Variants in LNP1 observed in about 807,000 individuals in gnomAD.
LNP1 encodes leukemia NUP98 fusion partner 1.
Under a neutral mutation model 14.5 loss-of-function variants are expected in LNP1, and 12 were observed. That is an observed-to-expected ratio of 0.83 (90% confidence interval 0.53 to 1.34). The LOEUF (loss-of-function observed/expected upper bound fraction) is 1.34. Among genes scored for constraint, LNP1 ranks in the 40% most tolerant of loss-of-function variants. The probability of loss-of-function intolerance (pLI) is 0.00; values close to 1 mark genes in which losing one functional copy is unlikely to be tolerated. For synonymous variants in LNP1, 75 were observed against 71.4 expected (o/e 1.05, Z -0.26); for missense variants, 198 against 210.9 (o/e 0.94, Z 0.38).
rs565769310 is a variant in LNP1, at chr3:100,418,059, A to ACTTTTTTT, written c.-33-11638_-33-11637insCTTTTTTT. 4.3e-5 allele frequency among the ~76,000 whole-genome samples: 5 copies of ACTTTTTTT among 115,616 alleles called. 2 individuals carry two copies. Among genetic ancestry groups the ACTTTTTTT allele is most frequent in the African/African-American group, 9.7e-5 (3 of 30,808 alleles). 75.8% of individuals were successfully genotyped at this position (115,616 alleles called of 152,430 possible). On this transcript the variant is annotated intron_variant, in intron 1 of 3. Transcript: ENST00000383693. ...GTTTTGTTCTTTCATTTCTCATACCATTTTTTTTTTTTTTTTTTGAGATGG... is the reference window on the plus strand; with the variant it reads ...GTTTTGTTCTTTCATTTCTCATACCACTTTTTTTTTTTTTTTTTTTTTTTTTGAGATGG...
chr3:100,415,060 T>G (rs1559840353), intron 1 of LNP1, among the ~76,000 whole-genome samples: 1 of 152,186 alleles, frequency 6.6e-6, no homozygotes, highest in Non-Finnish European at 1.5e-5. Flanking sequence ...AAACTAAAAC[T>G]TTAAACTTTT....
At chr3:100,430,015 C>A in intron 2 of LNP1, 130 bp downstream of exon 2, 1 of 863,784 alleles carries the variant, frequency 1.2e-6, no homozygotes, top group Non-Finnish European at 1.8e-6. Flanking sequence ...GAGTCTTTCT[C>A]ATACCCACAG....
At chr3:100,420,961 G>A (rs1707138622) in intron 1 of LNP1, among the ~76,000 whole-genome samples, 1 of 151,730 alleles carries the variant, frequency 6.6e-6, no homozygotes, top group African/African-American at 2.4e-5. Context: ...TCCATTTTGA[G>A]TTCATTTTTG....
At chr3:100,416,940 C>A (rs1707090377) in intron 1 of LNP1, among the ~76,000 whole-genome samples, 1 of 151,966 alleles carries the variant, frequency 6.6e-6, no homozygotes, top group Non-Finnish European at 1.5e-5. Flanking sequence ...TTCATCTTGA[C>A]CTGTCCCATT....
chr3:100,446,995 TTGG>T (rs61241628), intron 2 of LNP1, among the ~76,000 whole-genome samples: 5,794 of 152,230 alleles, frequency 0.038, 352 homozygotes, highest in African/African-American at 0.13. Context: ...TTTTACACTG[TTGG>T]TGGGAGTGTA....
Position 100,429,819 on chromosome 3 carries a change from G to T in LNP1, c.90G>T (p.Gln30His). ...FWGHSWREED[Q>H]RGLRERHRLQ... ...GCCACAGCTGGAGAGAGGAGGATCA[G>T]AGAGGACTCCGGGAACGCCACCGAC... Residue 30 changes from glutamine to histidine, a missense_variant, in exon 2 of 4, where the codon CAG (glutamine) becomes CAT (histidine). Transcript: ENST00000383693. 6.2e-7 allele frequency: 1 copy of T among 1,613,978 alleles called. No homozygotes were observed. Among genetic ancestry groups the T allele is most frequent in the South Asian group, 1.1e-5 (1 of 91,074 alleles).
intron 2 of LNP1, among the ~76,000 whole-genome samples, chr3:100,433,839 G>GT (rs1248273313): frequency 1.3e-5 from 2 of 152,028 alleles, no homozygotes; most frequent in Non-Finnish European, 2.9e-5. Context: ...TTTTTCATAT[G>GT]TTTTTTTGGC....
At chr3:100,427,689 T>G (rs1707206904) in intron 1 of LNP1, among the ~76,000 whole-genome samples, 1 of 152,172 alleles carries the variant, frequency 6.6e-6, no homozygotes, top group African/African-American at 2.4e-5. Context: ...TAAGATTTAT[T>G]ATGTTGAAAG....
At chr3:100,443,177 GA>G (rs1234370017) in intron 2 of LNP1, among the ~76,000 whole-genome samples, 1 of 151,898 alleles carries the variant, frequency 6.6e-6, no homozygotes, top group African/African-American at 2.4e-5. Flanking sequence ...AAAACATGGG[GA>G]AAAAAAGAAG....
At position 100,422,302 on chromosome 3, in the gene LNP1, G is replaced by A. The variant is rs1477881778; in HGVS notation, c.-33-7395G>A. Among the ~76,000 whole-genome samples the A allele has an allele frequency of 1.3e-4, 20 of 150,286 alleles. No individual in the cohort carries two copies. The Admixed American group carries it at 1.3e-3, about 10-fold the overall frequency. On this transcript the variant is annotated intron_variant, in intron 1 of 3. Transcript: ENST00000383693. ...GGGTTCAGGCCATTCTCCTGCCTCAGCCTCCTGAGTAGCTGGGACTATAGG... is the reference window on the plus strand; with the variant it reads ...GGGTTCAGGCCATTCTCCTGCCTCAACCTCCTGAGTAGCTGGGACTATAGG...
At chr3:100,417,738 T>G (rs1392947669) in intron 1 of LNP1, among the ~76,000 whole-genome samples, 1 of 152,160 alleles carries the variant, frequency 6.6e-6, no homozygotes, top group Non-Finnish European at 1.5e-5. Flanking sequence ...AGCGTTTATT[T>G]GAATTACAGT....
At chr3:100,455,623 A>G (rs989945361) in intron 3 of LNP1, among the ~76,000 whole-genome samples, 154 bp from the exon 4 acceptor site, 2 of 152,184 alleles carry the variant, frequency 1.3e-5, no homozygotes, top group African/African-American at 2.4e-5. Context: ...ACCTTTAGCA[A>G]CATCCTTAGG....
intron 1 of LNP1, among the ~76,000 whole-genome samples, chr3:100,424,070 C>A (rs1362341483): frequency 1.3e-5 from 2 of 152,096 alleles, no homozygotes; most frequent in African/African-American, 4.8e-5. Flanking sequence ...AGGGAGCTAT[C>A]TTTTCCTCAT....
chr3:100,447,997 C>G (rs995388513), intron 2 of LNP1, among the ~76,000 whole-genome samples: 1 of 152,148 alleles, frequency 6.6e-6, no homozygotes, highest in African/African-American at 2.4e-5. Flanking sequence ...AATGAAATCT[C>G]TATTCTTTAG....
chr3:100,408,702 C>T (rs940916327), intron 1 of LNP1, among the ~76,000 whole-genome samples: 1 of 152,100 alleles, frequency 6.6e-6, no homozygotes, highest in Non-Finnish European at 1.5e-5. Context: ...CTACCCAGTG[C>T]TGAGTTTTAC....
chr3:100,438,982 A>AT lies in LNP1; in HGVS notation c.156+9103dup, dbSNP rs80347146. 0.017 allele frequency among the ~76,000 whole-genome samples: 2,565 copies of AT among 152,250 alleles called. 263 individuals are homozygous for AT. The East Asian group carries it at 0.31, about 18-fold the overall frequency. ...AATAGAGCTCGCATAGCAAGTAAAC[A>AT]TTTTTTAAGAGGAGGAGCTTCTCCC... On this transcript the variant is annotated intron_variant, in intron 2 of 3. Coordinates refer to ENST00000383693, the MANE Select transcript of LNP1 (RefSeq NM_001085451.2).
At chr3:100,437,584 G>A (rs1240520459) in intron 2 of LNP1, among the ~76,000 whole-genome samples, 1 of 152,160 alleles carries the variant, frequency 6.6e-6, no homozygotes, top group Non-Finnish European at 1.5e-5. Context: ...CATTTTACCA[G>A]TTGAATATTT....
At chr3:100,434,868 A>C in intron 2 of LNP1, among the ~76,000 whole-genome samples, 1 of 144,356 alleles carries the variant, frequency 6.9e-6, no homozygotes, top group African/African-American at 2.6e-5. Flanking sequence ...ACCTTTCTCC[A>C]TTGTATATTC....
intron 2 of LNP1, among the ~76,000 whole-genome samples, chr3:100,449,084 T>C (rs1707413880): frequency 6.6e-6 from 1 of 152,184 alleles, no homozygotes; most frequent in African/African-American, 2.4e-5. Context: ...TATAAAAATC[T>C]ATTATAGGAT....
Sources: allele counts gnomAD v4.1 joint callset (sites outside exome capture counted in the v4.1 genomes callset), GRCh38; gene constraint gnomAD v4.1.1; transcripts MANE v1.5; gene names NCBI Gene and HGNC (gene_info 2026-07-23, HGNC 2026-07-21).